CCDC3: variants seen among roughly 807,000 people sequenced by gnomAD.
CCDC3 encodes coiled-coil domain-containing protein 3.
A neutral mutation model predicts 21.4 loss-of-function variants in CCDC3; 24 were observed. The ratio of observed to expected loss-of-function variants is 1.12; its 90% CI spans 0.81 to 1.58. The LOEUF (loss-of-function observed/expected upper bound fraction) is 1.58. Ranked by LOEUF, CCDC3 falls within the 40% of genes most tolerant of loss-of-function variation. The pLI, the probability that CCDC3 is intolerant of heterozygous loss-of-function variation, is 0.00. For missense variants in CCDC3, 425 were observed against 360.9 expected, an observed-to-expected ratio of 1.18 and a Z score of -1.44; for synonymous variants, 186 against 166.0, an observed-to-expected ratio of 1.12 and a Z score of -0.93.
At chr10:12,968,188 CAA>C (rs1835289856) in intron 2 of CCDC3, among the ~76,000 whole-genome samples, 6 of 94,310 alleles carry the variant, frequency 6.4e-5, no homozygotes, top group African/African-American at 2.1e-4. Flanking sequence ...AAAGAAAATA[CAA>C]ACACACACAC....
chr10:12,985,687 T>C (rs1835577337), intron 2 of CCDC3, among the ~76,000 whole-genome samples: 2 of 152,172 alleles, frequency 1.3e-5, no homozygotes, highest in South Asian at 2.1e-4. Context: ...TATGATTATA[T>C]GTACATAACA....
chr10:12,938,635 A>C (rs778858023), intron 2 of CCDC3, among the ~76,000 whole-genome samples: 64 of 152,352 alleles, frequency 4.2e-4, no homozygotes, highest in African/African-American at 1.3e-3. Context: ...AGTTGAGTTA[A>C]TGTGCAAAAT....
At chr10:12,978,638 C>T (rs1386013175) in intron 2 of CCDC3, among the ~76,000 whole-genome samples, 3 of 151,994 alleles carry the variant, frequency 2.0e-5, no homozygotes, top group South Asian at 2.1e-4. Flanking sequence ...CCAGAGAGGA[C>T]GGCAAGTCAG....
intron 5 of CCDC3, among the ~76,000 whole-genome samples, chr10:13,044,248 G>T (rs951988474): frequency 4.6e-5 from 7 of 152,130 alleles, no homozygotes; most frequent in Admixed American, 4.6e-4. Flanking sequence ...TATAGATTCC[G>T]GATATTAGGC....
chr10:12,983,169 T>TATATATAC (rs1564308503), intron 2 of CCDC3, among the ~76,000 whole-genome samples: 7 of 133,404 alleles, frequency 5.2e-5, no homozygotes, highest in Admixed American at 1.5e-4. Flanking sequence ...TATATATATA[T>TATATATAC]ATATAAAATC....
intron 3 of CCDC3, among the ~76,000 whole-genome samples, chr10:13,097,217 C>T (rs745882772): frequency 3.3e-5 from 5 of 152,012 alleles, no homozygotes; most frequent in Non-Finnish European, 5.9e-5. Flanking sequence ...TCAGTTTTTT[C>T]GCTGCATTTA....
At chr10:13,055,229 G>A (rs970091855) in intron 4 of CCDC3, among the ~76,000 whole-genome samples, 1 of 152,188 alleles carries the variant, frequency 6.6e-6, no homozygotes, top group Non-Finnish European at 1.5e-5. Context: ...GAGAGTGGAA[G>A]CTGCCTACGC....
chr10:13,055,672 T>TAA (rs1378470921), intron 4 of CCDC3, among the ~76,000 whole-genome samples: 1 of 152,210 alleles, frequency 6.6e-6, no homozygotes, highest in African/African-American at 2.4e-5. Context: ...TGGCTAGCTT[T>TAA]AAAGACACTC....
intron 4 of CCDC3, among the ~76,000 whole-genome samples, chr10:13,072,398 G>C (rs1341456919): frequency 2.6e-5 from 4 of 152,168 alleles, no homozygotes; most frequent in African/African-American, 9.7e-5. Context: ...TACTTCTTTA[G>C]AGGGGGGAAT....
intron 5 of CCDC3, among the ~76,000 whole-genome samples, chr10:13,027,167 A>T (rs1836234173): frequency 6.6e-6 from 1 of 152,092 alleles, no homozygotes; most frequent in South Asian, 2.1e-4. Context: ...TGGAGGGTGG[A>T]GCTCTCATCA....
chr10:12,929,924 G>A (rs1834613329), intron 2 of CCDC3, among the ~76,000 whole-genome samples: 1 of 152,188 alleles, frequency 6.6e-6, no homozygotes, highest in African/African-American at 2.4e-5. Context: ...TAATATAACA[G>A]AAGGCACAAT....
At chr10:13,073,712 C>T (rs1446276098) in intron 4 of CCDC3, among the ~76,000 whole-genome samples, 11 of 152,200 alleles carry the variant, frequency 7.2e-5, no homozygotes, top group South Asian at 6.2e-4. Flanking sequence ...GTCTCCAACT[C>T]GTGAGCTCAA....
chr10:13,060,514 T>C lies in CCDC3; in HGVS notation c.-269-10573A>G, dbSNP rs576317052. Among the ~76,000 whole-genome samples, 22 of 152,242 alleles carry C rather than the reference T, an allele frequency of 1.4e-4. No individual in the cohort carries two copies. In the South Asian group the frequency reaches 3.9e-3, roughly 27 times the overall value. On this transcript the variant is annotated intron_variant, in intron 4 of 6. Transcript: ENST00000378839. ...AAAACAGAATGCCAAAGAGTATCTT[T>C]GTAAACAACAGACAGGGTCTCACTC...
chr10:12,914,130 T>C (rs1834311536), intron 2 of CCDC3, among the ~76,000 whole-genome samples: 1 of 152,214 alleles, frequency 6.6e-6, no homozygotes, highest in African/African-American at 2.4e-5. Flanking sequence ...CTGTTCAATT[T>C]TGTGGAAGAA....
intron 5 of CCDC3, among the ~76,000 whole-genome samples, chr10:13,047,644 T>C (rs1035739732): frequency 3.3e-5 from 5 of 152,158 alleles, no homozygotes; most frequent in African/African-American, 1.2e-4. Context: ...AGTAATCTGC[T>C]CCGGAGCCCA....
At chr10:12,925,905 A>G (rs577379014) in intron 2 of CCDC3, among the ~76,000 whole-genome samples, 1 of 152,390 alleles carries the variant, frequency 6.6e-6, no homozygotes, top group African/African-American at 2.4e-5. Context: ...ATGAGGCAGA[A>G]AAGAACAGGC....
chr10:13,074,533 G>C (rs968940295), intron 3 of CCDC3, among the ~76,000 whole-genome samples: 1 of 150,922 alleles, frequency 6.6e-6, no homozygotes, highest in African/African-American at 2.4e-5. Flanking sequence ...TTAATCCAAG[G>C]TCCCAGCTCT....
At chr10:12,988,681 T>C (rs1248351096) in intron 2 of CCDC3, among the ~76,000 whole-genome samples, 1 of 152,106 alleles carries the variant, frequency 6.6e-6, no homozygotes, top group Admixed American at 6.6e-5. Context: ...CCTATCATTA[T>C]CTGTTATTTT....
At chr10:12,943,905 C>T (rs1589016171) in intron 2 of CCDC3, among the ~76,000 whole-genome samples, 1 of 152,120 alleles carries the variant, frequency 6.6e-6, no homozygotes, top group East Asian at 1.9e-4. Flanking sequence ...CATGAGATGA[C>T]GAATCTTGGG....
Sources: allele counts gnomAD v4.1 joint callset (sites outside exome capture counted in the v4.1 genomes callset), GRCh38; gene constraint gnomAD v4.1.1; transcripts MANE v1.5; gene names NCBI Gene and HGNC (gene_info 2026-07-23, HGNC 2026-07-21).